CNTNAP2: variants seen among roughly 807,000 people sequenced by gnomAD.
CNTNAP2 encodes the protein contactin associated protein 2.
In CNTNAP2, 98 loss-of-function variants were observed where a neutral mutation model predicts 155.2. That is an observed-to-expected ratio of 0.63 (90% CI 0.54 to 0.75). The LOEUF (loss-of-function observed/expected upper bound fraction) is 0.75. Ranked by LOEUF, CNTNAP2 falls within the 30% of genes least tolerant of loss-of-function variation. The pLI is 0.00. For synonymous variants in CNTNAP2, 651 were observed against 631.2 expected, an observed-to-expected ratio of 1.03 and a Z score of -0.47; for missense variants, 1,727 against 1,688.1, an observed-to-expected ratio of 1.02 and a Z score of -0.40.
chr7:147,342,738 C>T (rs1795785837), intron 9 of CNTNAP2, among the ~76,000 whole-genome samples: 1 of 151,934 alleles, frequency 6.6e-6, no homozygotes, highest in Non-Finnish European at 1.5e-5. Flanking sequence ...AAGAGACAAT[C>T]AGAAATACAA....
intron 8 of CNTNAP2, among the ~76,000 whole-genome samples, chr7:147,256,095 T>G (rs541320089): frequency 6.6e-6 from 1 of 152,310 alleles, no homozygotes; most frequent in South Asian, 2.1e-4. Flanking sequence ...ACTAAGACGA[T>G]ATACTTAGTG....
intron 8 of CNTNAP2, among the ~76,000 whole-genome samples, chr7:147,220,392 A>G (rs1272325444): frequency 3.9e-5 from 6 of 152,154 alleles, no homozygotes; most frequent in Admixed American, 3.9e-4. Context: ...TTTCTCATAG[A>G]CAACACAGAG....
At chr7:148,189,725 T>G (rs1409499219) in intron 18 of CNTNAP2, among the ~76,000 whole-genome samples, 1 of 152,206 alleles carries the variant, frequency 6.6e-6, no homozygotes, top group Non-Finnish European at 1.5e-5. Flanking sequence ...CAAAATGGAC[T>G]GAGACAGGCT....
In CNTNAP2 at chr7:148,342,182, G is replaced by A. The variant is rs540548962; in HGVS notation, c.3476-41467G>A. ...TTTATCATGTCTTCAAAACAGACTC[G>A]CCACCAGGCTTCCAACAGGATAATA... On this transcript the variant is annotated intron_variant, in intron 21 of 23. Coordinates refer to ENST00000361727, the MANE Select transcript of CNTNAP2 (RefSeq NM_014141.6). Among the ~76,000 whole-genome samples the A allele has an allele frequency of 2.0e-5, 3 of 152,260 alleles. No individual in the cohort carries two copies. The East Asian group carries it at 5.8e-4, about 29-fold the overall frequency.
chr7:147,884,476 A>G (rs1477387243), intron 13 of CNTNAP2, among the ~76,000 whole-genome samples: 1 of 141,830 alleles, frequency 7.1e-6, no homozygotes, highest in African/African-American at 2.8e-5. Context: ...AATCAAACTG[A>G]TATCATTTGC....
chr7:147,966,293 A>C (rs951754019), intron 14 of CNTNAP2, among the ~76,000 whole-genome samples: 8 of 152,214 alleles, frequency 5.3e-5, no homozygotes, highest in Non-Finnish European at 7.3e-5. Flanking sequence ...AGCATATTGT[A>C]CTTCCTTCTG....
rs112855350 is a variant in CNTNAP2, at chr7:146,847,320, A to G, written c.402+7416A>G. On this transcript the variant is annotated intron_variant, in intron 3 of 23. Coordinates refer to ENST00000361727, the MANE Select transcript of CNTNAP2 (RefSeq NM_014141.6). ...GAGACGCCTGAGAGGCCGTGGAATG[A>G]GTAATTCTATGTTACACTCTGGAAT... Among the ~76,000 whole-genome samples, 363 of 152,294 alleles carry G rather than the reference A, an allele frequency of 2.4e-3. 2 individuals are homozygous for G. Among genetic ancestry groups the G allele is most frequent in the Middle Eastern group, 0.01 (3 of 294 alleles).
intron 8 of CNTNAP2, among the ~76,000 whole-genome samples, chr7:147,211,970 C>T (rs1339092364): frequency 6.6e-6 from 1 of 151,994 alleles, no homozygotes; most frequent in African/African-American, 2.4e-5. Context: ...ATAAGATACA[C>T]AAGCAGCTAA....
intron 8 of CNTNAP2, among the ~76,000 whole-genome samples, chr7:147,191,248 A>G (rs1802675800): frequency 6.6e-6 from 1 of 152,126 alleles, no homozygotes; most frequent in African/African-American, 2.4e-5. Context: ...TGGGTCCCTA[A>G]CCTCGAATAT....
chr7:146,927,886 TAG>T (rs1327280898), intron 3 of CNTNAP2, among the ~76,000 whole-genome samples: 1 of 151,314 alleles, frequency 6.6e-6, no homozygotes, highest in Non-Finnish European at 1.5e-5. Context: ...TATATTTCTA[TAG>T]AGAGAGTGTG....
intron 9 of CNTNAP2, among the ~76,000 whole-genome samples, chr7:147,367,695 T>C (rs1796258478): frequency 6.6e-6 from 1 of 152,118 alleles, no homozygotes; most frequent in Middle Eastern, 3.2e-3. Flanking sequence ...ACCTAAGCCA[T>C]TCCATCTCAG....
intron 1 of CNTNAP2, among the ~76,000 whole-genome samples, chr7:146,215,566 G>A (rs1045364292): frequency 3.3e-5 from 5 of 151,292 alleles, no homozygotes; most frequent in Admixed American, 1.3e-4. Context: ...AAGAGGGTTC[G>A]CCTTATGAAA....
intron 8 of CNTNAP2, among the ~76,000 whole-genome samples, chr7:147,137,185 G>A (rs1801499906): frequency 6.6e-6 from 1 of 151,250 alleles, no homozygotes; most frequent in Non-Finnish European, 1.5e-5. Flanking sequence ...ATTTTAAAGA[G>A]TGTATTTTTA....
intron 8 of CNTNAP2, among the ~76,000 whole-genome samples, chr7:147,256,456 A>G (rs1227391202): frequency 1.3e-5 from 2 of 152,168 alleles, no homozygotes; most frequent in Admixed American, 6.5e-5. Flanking sequence ...ATGATAAGCA[A>G]TATGCGGGTG....
At chr7:146,935,764 A>G (rs1238169369) in intron 3 of CNTNAP2, among the ~76,000 whole-genome samples, 1 of 152,198 alleles carries the variant, frequency 6.6e-6, no homozygotes, top group Admixed American at 6.5e-5. Context: ...TGGGTATTAC[A>G]GACACTCAGT....
chr7:146,150,164 TAA>T lies in CNTNAP2; in HGVS notation c.97+33192_97+33193del, dbSNP rs1383671971. 9.9e-5 allele frequency among the ~76,000 whole-genome samples: 15 copies of T among 152,250 alleles called. 1 individual carries two copies. In the South Asian group the frequency reaches 2.7e-3, roughly 27 times the overall value. On this transcript the variant is annotated intron_variant, in intron 1 of 23. Coordinates refer to ENST00000361727, the MANE Select transcript of CNTNAP2 (RefSeq NM_014141.6). ...GATAAGCACAAAACATTTAATGTAATAAGTTATTAGCTAAATGTAAATTAAAA... is the reference window on the plus strand; with the variant it reads ...GATAAGCACAAAACATTTAATGTAATGTTATTAGCTAAATGTAAATTAAAA...
At chr7:147,473,883 C>T (rs1407742470) in intron 10 of CNTNAP2, among the ~76,000 whole-genome samples, 1 of 151,816 alleles carries the variant, frequency 6.6e-6, no homozygotes, top group Admixed American at 6.6e-5. Flanking sequence ...AGTTTGAGAC[C>T]AGCCTGACAA....
At chr7:146,934,713 A>G (rs1312652545) in intron 3 of CNTNAP2, among the ~76,000 whole-genome samples, 1 of 152,208 alleles carries the variant, frequency 6.6e-6, no homozygotes. Context: ...TAAGCTCCCC[A>G]ATGGCAGACA....
chr7:147,743,665 T>A (rs1020854476), intron 13 of CNTNAP2, among the ~76,000 whole-genome samples: 1 of 147,056 alleles, frequency 6.8e-6, no homozygotes, highest in Non-Finnish European at 1.5e-5. Context: ...GAGTGCCATT[T>A]TCTCCTTCCT....
Sources: gnomAD v4.1 joint callset for allele counts (sites outside exome capture counted in the v4.1 genomes callset) on GRCh38, gnomAD v4.1.1 for gene constraint, MANE v1.5 for transcripts, NCBI Gene and HGNC (gene_info 2026-07-23, HGNC 2026-07-21) for gene names.